The following MAPK10 variants were observed in gnomAD, a reference collection of about 807,000 sequenced individuals.
MAPK10 encodes mitogen-activated protein kinase 10, also known as JNK3 alpha protein kinase.
A neutral mutation model predicts 59.3 loss-of-function variants in MAPK10; 25 were observed. The observed-to-expected ratio is 0.42, with a 90% CI of 0.31 to 0.59. MAPK10 has a LOEUF of 0.59. MAPK10 is among the 20% of genes least tolerant of loss of function. The probability of loss-of-function intolerance (pLI) is 0.15; values close to 1 mark genes in which losing one functional copy is unlikely to be tolerated. For missense variants in MAPK10, 351 were observed against 568.9 expected, an observed-to-expected ratio of 0.62 and a Z score of 3.90; for synonymous variants, 190 against 200.5, an observed-to-expected ratio of 0.95 and a Z score of 0.44.
intron 4 of MAPK10, chr4:86,124,208 A>G (rs931527883): frequency 6.6e-6 from 1 of 151,996 alleles, no homozygotes; most frequent in African/African-American, 2.4e-5. Context: ...TGGACTCTGA[A>G]TTTGTTGTGG....
At chr4:86,568,711 A>G (rs1419390932) in intron 1 of MAPK10, among the ~76,000 whole-genome samples, 1 of 152,252 alleles carries the variant, frequency 6.6e-6, no homozygotes, top group Non-Finnish European at 1.5e-5. Context: ...ACTCTATTCA[A>G]TATATGGTGC....
At chr4:86,550,391 A>T (rs1182805374) in intron 1 of MAPK10, among the ~76,000 whole-genome samples, 4 of 98,268 alleles carry the variant, frequency 4.1e-5, no homozygotes, top group African/African-American at 1.0e-4. Context: ...AAAAAAAAAA[A>T]AAAAAAAAAA....
At chr4:86,517,519 C>T (rs551743795) in intron 1 of MAPK10, among the ~76,000 whole-genome samples, 1 of 152,238 alleles carries the variant, frequency 6.6e-6, no homozygotes, top group South Asian at 2.1e-4. Context: ...TCGTGATCTG[C>T]CCTTCTCGGC....
At chr4:86,037,471 GATCACACCACTGCAT>G (rs1398056714) in intron 11 of MAPK10, among the ~76,000 whole-genome samples, 1 of 151,246 alleles carries the variant, frequency 6.6e-6, no homozygotes, top group Non-Finnish European at 1.5e-5. Flanking sequence ...AGTGAGCCAA[GATCACACCACTGCAT>G]TCCAGCCTGG....
intron 2 of MAPK10, among the ~76,000 whole-genome samples, chr4:86,262,866 T>C (rs2094061596): frequency 6.6e-6 from 1 of 152,144 alleles, no homozygotes; most frequent in African/African-American, 2.4e-5. Context: ...TCTCCAACTT[T>C]TCTCCAGTCT....
At chr4:86,067,986 A>G in intron 9 of MAPK10, 31 bp from the exon 10 acceptor site, 1 of 1,491,566 alleles carries the variant, frequency 6.7e-7, no homozygotes, top group Middle Eastern at 1.8e-4. Flanking sequence ...GGAAAAAAGA[A>G]GAGCAGACCA....
At chr4:86,497,424 C>G (rs1316476236) in intron 1 of MAPK10, among the ~76,000 whole-genome samples, 4 of 152,162 alleles carry the variant, frequency 2.6e-5, no homozygotes, top group South Asian at 2.1e-4. Flanking sequence ...TCAGAAGACT[C>G]AGAGCACACA....
At chr4:86,186,201 A>G (rs577860528) in intron 3 of MAPK10, among the ~76,000 whole-genome samples, 1 of 152,262 alleles carries the variant, frequency 6.6e-6, no homozygotes, top group South Asian at 2.1e-4. Flanking sequence ...ATAAATAAAG[A>G]AACTGAAGCA....
intron 1 of MAPK10, among the ~76,000 whole-genome samples, chr4:86,408,003 A>G (rs1170092205): frequency 6.6e-6 from 1 of 152,052 alleles, no homozygotes; most frequent in Non-Finnish European, 1.5e-5. Context: ...TGCTGCACCC[A>G]TCAACTCGTC....
intron 4 of MAPK10, among the ~76,000 whole-genome samples, chr4:86,148,875 T>C (rs2065671830): frequency 6.6e-6 from 1 of 152,094 alleles, no homozygotes; most frequent in Admixed American, 6.5e-5. Flanking sequence ...CATTGAACTG[T>C]GAAAAACGCA....
chr4:86,110,554 C>T (rs1045173072), intron 4 of MAPK10, among the ~76,000 whole-genome samples: 10 of 152,114 alleles, frequency 6.6e-5, no homozygotes, highest in Non-Finnish European at 1.2e-4. Context: ...AGTCTTATTT[C>T]TGAGTTCTCT....
chr4:86,174,720 A>G (rs965098662), intron 3 of MAPK10, among the ~76,000 whole-genome samples: 20 of 152,192 alleles, frequency 1.3e-4, no homozygotes, highest in Non-Finnish European at 7.3e-5. Flanking sequence ...CAGATAGAGG[A>G]CAACCCTTGC....
intron 1 of MAPK10, among the ~76,000 whole-genome samples, chr4:86,478,501 A>G (rs929957252): frequency 1.3e-5 from 2 of 151,532 alleles, no homozygotes; most frequent in African/African-American, 4.9e-5. Flanking sequence ...TGCTCAACTC[A>G]CTCTCTACAG....
rs1045222663 is a variant in MAPK10 at position 86,208,203 on chromosome 4, A to G, written c.-6-13796T>C. Among the ~76,000 whole-genome samples, 660 of 152,116 alleles carry G rather than the reference A, an allele frequency of 4.3e-3. 3 individuals carry two copies. The highest frequency in any genetic ancestry group is 6.6e-3 in the Non-Finnish European group (449 of 68,014). Reference sequence around the variant, plus strand: ...CATTCCTTCTGAAACTATTCCAATCAATAGAAAAAGAGGGAATCCTCCCTA... The same window carrying G: ...CATTCCTTCTGAAACTATTCCAATCGATAGAAAAAGAGGGAATCCTCCCTA... On this transcript the variant is annotated intron_variant, in intron 2 of 13. Coordinates refer to ENST00000641462, the MANE Select transcript of MAPK10 (RefSeq NM_138982.4).
chr4:86,063,439 T>C (rs1393708281), intron 11 of MAPK10, among the ~76,000 whole-genome samples: 1 of 152,178 alleles, frequency 6.6e-6, no homozygotes, highest in Non-Finnish European at 1.5e-5. Context: ...ACTCTAAGAA[T>C]TTGAGAAGCT....
chr4:86,207,129 T>C (rs1303477464), intron 2 of MAPK10, among the ~76,000 whole-genome samples: 2 of 151,314 alleles, frequency 1.3e-5, no homozygotes, highest in African/African-American at 4.9e-5. Flanking sequence ...CCCATGCCTA[T>C]GTCCTGAATG....
At chr4:86,581,904 TA>T (rs1762316726) in intron 1 of MAPK10, among the ~76,000 whole-genome samples, 1 of 1,420 alleles carries the variant, frequency 7.0e-4, no homozygotes, top group Non-Finnish European at 1.4e-3. Flanking sequence ...ATATATTATA[TA>T]TATATATATA....
intron 1 of MAPK10, among the ~76,000 whole-genome samples, chr4:86,501,589 C>T (rs1441416369): frequency 6.6e-6 from 1 of 151,770 alleles, no homozygotes; most frequent in East Asian, 1.9e-4. Context: ...CCCATAATAT[C>T]CATCTATAAC....
At chr4:86,520,626 T>C (rs927171843) in intron 1 of MAPK10, among the ~76,000 whole-genome samples, 5 of 152,234 alleles carry the variant, frequency 3.3e-5, no homozygotes, top group African/African-American at 4.8e-5. Flanking sequence ...TTCAGAGATT[T>C]CTTCTTGGTT....
Sources: gnomAD v4.1 joint callset for allele counts (sites outside exome capture counted in the v4.1 genomes callset) on GRCh38, gnomAD v4.1.1 for gene constraint, MANE v1.5 for transcripts, NCBI Gene and HGNC (gene_info 2026-07-23, HGNC 2026-07-21) for gene names.